The following NOX4 variants were observed in gnomAD, a reference collection of about 807,000 sequenced individuals.
NOX4 encodes the protein kidney oxidase-1.
NOX4 carries 69 observed loss-of-function variants against 87.6 expected under a neutral mutation model. The observed-to-expected ratio is 0.79, with a 90% confidence interval of 0.65 to 0.96. NOX4 has a LOEUF of 0.96. NOX4 is among the 40% of genes least tolerant of loss of function. The pLI is 0.00. For synonymous variants in NOX4, 275 were observed against 238.2 expected (o/e 1.15, Z -1.42); for missense variants, 680 against 681.5 (o/e 1.00, Z 0.02).
chr11:89,490,911 T>C, intron 1 of NOX4: 1 of 699,472 alleles, frequency 1.4e-6, no homozygotes, highest in South Asian at 1.5e-5. Context: ...GTTTAAAGGG[T>C]AAAAAGAAAA....
chr11:89,349,799 T>C (rs908628997), intron 13 of NOX4, among the ~76,000 whole-genome samples: 3 of 152,188 alleles, frequency 2.0e-5, no homozygotes, highest in Non-Finnish European at 4.4e-5. Context: ...ATGGGTCATG[T>C]TTTGCTGGTT....
intron 12 of NOX4, among the ~76,000 whole-genome samples, chr11:89,356,429 G>GA (rs773039400): frequency 4.1e-5 from 4 of 97,422 alleles, no homozygotes; most frequent in Admixed American, 9.1e-5. Context: ...GAGGAAGGGG[G>GA]AAAAAAAAAG....
intron 2 of NOX4, among the ~76,000 whole-genome samples, chr11:89,454,221 C>A (rs1329964959): frequency 6.6e-6 from 1 of 152,126 alleles, no homozygotes; most frequent in Non-Finnish European, 1.5e-5. Flanking sequence ...TTAAACCCCT[C>A]AAGACCAGGG....
At chr11:89,513,418 C>A in the NOX4 span, among the ~76,000 whole-genome samples, 1 of 151,644 alleles carries the variant, frequency 6.6e-6, no homozygotes, top group Admixed American at 6.6e-5. Context: ...TCACTGAAAA[C>A]CAAATAACAA....
intron 6 of NOX4, among the ~76,000 whole-genome samples, chr11:89,436,499 A>T (rs1342508758): frequency 6.6e-6 from 1 of 152,128 alleles, no homozygotes; most frequent in Non-Finnish European, 1.5e-5. Flanking sequence ...TTGTTTCCTT[A>T]GCAAAATACA....
the NOX4 span, among the ~76,000 whole-genome samples, chr11:89,517,410 C>G: frequency 6.6e-6 from 1 of 151,974 alleles, no homozygotes; most frequent in Non-Finnish European, 1.5e-5. Context: ...TTTACTTTTT[C>G]TATGTGCTTC....
At chr11:89,504,605 T>C in the NOX4 span, among the ~76,000 whole-genome samples, 6 of 151,908 alleles carry the variant, frequency 3.9e-5, no homozygotes, top group Admixed American at 3.9e-4. Context: ...TCTACCAAAA[T>C]TGTGATGAAT....
At chr11:89,556,126 G>T in the NOX4 span, among the ~76,000 whole-genome samples, 4 of 151,968 alleles carry the variant, frequency 2.6e-5, no homozygotes, top group African/African-American at 9.7e-5. Flanking sequence ...GGCTTACTTG[G>T]GATCTAACAT....
intron 12 of NOX4, among the ~76,000 whole-genome samples, chr11:89,367,041 G>T (rs1302295861): frequency 6.6e-6 from 1 of 152,064 alleles, no homozygotes; most frequent in Admixed American, 6.6e-5. Context: ...TGAGGCTGTA[G>T]AATTTATGCC....
At chr11:89,499,522 ATTGTC>A (rs1334376401), upstream of NOX4, among the ~76,000 whole-genome samples, 1 of 152,150 alleles carries the variant, frequency 6.6e-6, no homozygotes, top group Admixed American at 6.6e-5. Flanking sequence ...AAACTTGACA[ATTGTC>A]TTGTCTTCTT....
chr11:89,447,396 AG>A (rs778328928), intron 4 of NOX4, among the ~76,000 whole-genome samples: 84 of 152,310 alleles, frequency 5.5e-4, no homozygotes, highest in Non-Finnish European at 1.5e-4. Flanking sequence ...TACATAATTA[AG>A]GGATATATTC....
At chr11:89,586,673 T>C in the NOX4 span, among the ~76,000 whole-genome samples, 1 of 152,106 alleles carries the variant, frequency 6.6e-6, no homozygotes, top group Non-Finnish European at 1.5e-5. Context: ...CAGGTAATAA[T>C]AAAGAAATGT....
chr11:89,437,243 C>G (rs1944124422), intron 6 of NOX4, among the ~76,000 whole-genome samples: 1 of 151,990 alleles, frequency 6.6e-6, no homozygotes, highest in South Asian at 2.1e-4. Context: ...TGACGGGCAC[C>G]TGTAATCCCA....
the NOX4 span, among the ~76,000 whole-genome samples, chr11:89,515,909 A>G: frequency 6.6e-6 from 1 of 152,050 alleles, no homozygotes; most frequent in African/African-American, 2.4e-5. Flanking sequence ...TTTCTTGAAA[A>G]ACATTTATTG....
At position 89,387,373 on chromosome 11, in the gene NOX4, G is replaced by A. The variant is rs201030830; in HGVS notation, c.1074+12644C>T. ...CACCTTGTGACCCCCATCCCTGCCCGCCAGAGAACAACCACCTTTGACTGT... is the reference window on the plus strand; with the variant it reads ...CACCTTGTGACCCCCATCCCTGCCCACCAGAGAACAACCACCTTTGACTGT... On this transcript the variant is annotated intron_variant, in intron 11 of 17. Coordinates refer to ENST00000263317, the MANE Select transcript of NOX4 (RefSeq NM_016931.5). Among the ~76,000 whole-genome samples, 18 of 151,638 alleles carry A rather than the reference G, an allele frequency of 1.2e-4. No homozygotes were observed. In the South Asian group the frequency reaches 2.5e-3, roughly 21 times the overall value.
chr11:89,445,899 A>C (rs1043842596), intron 4 of NOX4, among the ~76,000 whole-genome samples: 12 of 152,142 alleles, frequency 7.9e-5, no homozygotes, highest in Non-Finnish European at 1.6e-4. Flanking sequence ...TCAGCTCTGC[A>C]AAAGACGTTT....
intron 6 of NOX4, among the ~76,000 whole-genome samples, chr11:89,438,972 A>G (rs530250746): frequency 0.036 from 3,373 of 93,810 alleles, 232 homozygotes; most frequent in African/African-American, 0.13. Flanking sequence ...TATATAATAT[A>G]TAATTATATA....
chr11:89,464,836 T>A (rs1945607812), intron 2 of NOX4, among the ~76,000 whole-genome samples: 1 of 152,214 alleles, frequency 6.6e-6, no homozygotes. Flanking sequence ...TAGTTTTTGT[T>A]ATGAACTAAA....
Position 89,339,217 on chromosome 11 carries a change from T to C in NOX4, c.1446+846A>G, listed in dbSNP as rs577467645. Among the ~76,000 whole-genome samples, 15 of 152,276 alleles carry C rather than the reference T, an allele frequency of 9.9e-5. No individual in the cohort carries two copies. In the East Asian group the frequency reaches 2.9e-3, roughly 29 times the overall value. ...TTGTTCAGTAAACTAGATAAATCTA[T>C]ACAATGAAATACTCTAAAAGAATCT... On this transcript the variant is annotated intron_variant, in intron 15 of 17. Coordinates refer to ENST00000263317, the MANE Select transcript of NOX4 (RefSeq NM_016931.5).
Sources: allele counts gnomAD v4.1 joint callset (sites outside exome capture counted in the v4.1 genomes callset), GRCh38; gene constraint gnomAD v4.1.1; transcripts MANE v1.5; gene names NCBI Gene and HGNC (gene_info 2026-07-23, HGNC 2026-07-21).